Variants in FMN1 observed in about 807,000 individuals in gnomAD.
FMN1 encodes the protein formin 1.
In FMN1, 110 loss-of-function variants were observed where a neutral mutation model predicts 132.4. The ratio of observed to expected loss-of-function variants is 0.83; its 90% CI spans 0.71 to 0.97. The LOEUF (loss-of-function observed/expected upper bound fraction) is 0.97, where lower values mean the gene tolerates loss of function less well. Among genes scored for constraint, FMN1 ranks in the 50% least tolerant of loss-of-function variants. The pLI, the probability that FMN1 is intolerant of heterozygous loss-of-function variation, is 0.00. For missense variants in FMN1, 1,792 were observed against 1,705.3 expected (o/e 1.05, Z -0.90); for synonymous variants, 722 against 651.7 (o/e 1.11, Z -1.64).
chr15:33,120,633 T>C (rs1465245843), intron 4 of FMN1, among the ~76,000 whole-genome samples: 1 of 151,946 alleles, frequency 6.6e-6, no homozygotes, highest in African/African-American at 2.4e-5. Flanking sequence ...TTTGTTGTCT[T>C]TTCGTGTTCT....
chr15:33,185,480 A>G lies in FMN1; in HGVS notation c.-196-5218T>C, dbSNP rs543147122. Among the ~76,000 whole-genome samples the G allele has an allele frequency of 3.8e-4, 58 of 152,018 alleles. 1 individual carries two copies. The South Asian group carries it at 0.011, about 29-fold the overall frequency. On this transcript the variant is annotated intron_variant, in intron 2 of 20. Transcript: ENST00000616417. The stretch of plus-strand genomic sequence containing the variant: ...ATTACCGTTAATTCCAATTTAGAGA[A>G]TAGAAAGTAAATTTTTGTTTCCTTT...
chr15:32,798,764 G>A (rs368226596), intron 19 of FMN1, 40 bp downstream of exon 19: 1 of 1,555,712 alleles, frequency 6.4e-7, no homozygotes, highest in Non-Finnish European at 8.8e-7. Context: ...AGTTTCCTAG[G>A]CTCCTGAAGG....
chr15:33,142,678 A>G lies in FMN1; in HGVS notation c.1867+10370T>C, dbSNP rs112629032. The stretch of plus-strand genomic sequence containing the variant: ...TTTTGTACATAGCTTTTGGAAACCA[A>G]TCACATGACCTCAACTTACATTTGC... On this transcript the variant is annotated intron_variant, in intron 4 of 20. Coordinates refer to ENST00000616417, the MANE Select transcript of FMN1 (RefSeq NM_001277313.2). Among the ~76,000 whole-genome samples, 638 of 152,326 alleles carry G rather than the reference A, an allele frequency of 4.2e-3. 6 individuals carry two copies. The highest frequency in any genetic ancestry group is 0.015 in the African/African-American group (618 of 41,572).
intron 3 of FMN1, among the ~76,000 whole-genome samples, chr15:33,175,405 A>T (rs1349308897): frequency 6.6e-6 from 1 of 152,164 alleles, no homozygotes; most frequent in Non-Finnish European, 1.5e-5. Context: ...GATTTCAATT[A>T]TGGAGACTTC....
intron 7 of FMN1, among the ~76,000 whole-genome samples, chr15:32,972,396 C>T (rs2031865929): frequency 6.6e-6 from 1 of 152,178 alleles, no homozygotes; most frequent in Non-Finnish European, 1.5e-5. Flanking sequence ...AAGCACTTGA[C>T]CCATGCTTTA....
At chr15:33,058,749 A>G (rs1220738557) in intron 6 of FMN1, among the ~76,000 whole-genome samples, 2 of 152,184 alleles carry the variant, frequency 1.3e-5, no homozygotes, top group Admixed American at 6.5e-5. Context: ...GTAATTTGTA[A>G]TAACCTGCAT....
At chr15:33,057,397 C>A (rs1014554231) in intron 6 of FMN1, among the ~76,000 whole-genome samples, 3 of 152,012 alleles carry the variant, frequency 2.0e-5, no homozygotes, top group Non-Finnish European at 4.4e-5. Flanking sequence ...TTTTGTTATT[C>A]TTCTATAAAA....
At chr15:32,823,148 T>C (rs922789594) in intron 17 of FMN1, among the ~76,000 whole-genome samples, 7 of 124,922 alleles carry the variant, frequency 5.6e-5, no homozygotes. Context: ...AGAGAGTTTC[T>C]ACTGTTTTTT....
intron 7 of FMN1, among the ~76,000 whole-genome samples, chr15:33,005,024 C>G (rs1341186552): frequency 6.6e-6 from 1 of 152,064 alleles, no homozygotes; most frequent in Non-Finnish European, 1.5e-5. Flanking sequence ...GAACATCACA[C>G]ACCAGGGACT....
chr15:32,824,879 G>C (rs1057170118), intron 17 of FMN1, among the ~76,000 whole-genome samples: 1 of 152,196 alleles, frequency 6.6e-6, no homozygotes, highest in Non-Finnish European at 1.5e-5. Flanking sequence ...CTGCTCTGCT[G>C]AACATCCTGA....
chr15:33,130,630 A>T (rs1170885212), intron 4 of FMN1, among the ~76,000 whole-genome samples: 1 of 152,220 alleles, frequency 6.6e-6, no homozygotes, highest in Non-Finnish European at 1.5e-5. Flanking sequence ...AGCCCAAATC[A>T]TTAAGTGATA....
chr15:33,006,608 T>C (rs1202641929), intron 7 of FMN1, among the ~76,000 whole-genome samples: 1 of 152,154 alleles, frequency 6.6e-6, no homozygotes, highest in Non-Finnish European at 1.5e-5. Context: ...TGCAGCGTTA[T>C]TCACAAAAGC....
At chr15:33,114,959 G>T (rs922153743) in intron 4 of FMN1, among the ~76,000 whole-genome samples, 2 of 152,206 alleles carry the variant, frequency 1.3e-5, no homozygotes, top group South Asian at 4.2e-4. Context: ...GGCTGGGCAG[G>T]CCTCAGAAGA....
intron 3 of FMN1, among the ~76,000 whole-genome samples, chr15:33,163,450 A>G (rs1964974828): frequency 6.6e-6 from 1 of 151,332 alleles, no homozygotes; most frequent in Non-Finnish European, 1.5e-5. Flanking sequence ...ACGCACCACC[A>G]TGCCCGGCTA....
At chr15:32,909,407 G>A (rs1371501348) in intron 11 of FMN1, among the ~76,000 whole-genome samples, 1 of 152,114 alleles carries the variant, frequency 6.6e-6, no homozygotes, top group South Asian at 2.1e-4. Flanking sequence ...GTTTATTAAC[G>A]AAAGCTTTAC....
intron 19 of FMN1, among the ~76,000 whole-genome samples, chr15:32,781,133 T>C (rs960207218): frequency 6.6e-6 from 1 of 152,182 alleles, no homozygotes; most frequent in Non-Finnish European, 1.5e-5. Flanking sequence ...AGTGGGAATA[T>C]GGGTGTGATA....
intron 6 of FMN1, among the ~76,000 whole-genome samples, chr15:33,042,813 C>G (rs1251921021): frequency 1.3e-5 from 2 of 151,094 alleles, no homozygotes; most frequent in Non-Finnish European, 2.9e-5. Flanking sequence ...CCCTGAGGCA[C>G]AAAAGGGAAT....
intron 16 of FMN1, among the ~76,000 whole-genome samples, chr15:32,866,133 C>T (rs1417773005): frequency 1.3e-5 from 2 of 150,082 alleles, no homozygotes; most frequent in African/African-American, 4.9e-5. Flanking sequence ...ATGTAAATGA[C>T]GAGTTAATGG....
chr15:33,099,900 A>G (rs1026693386), intron 4 of FMN1, among the ~76,000 whole-genome samples: 5 of 152,206 alleles, frequency 3.3e-5, no homozygotes. Context: ...TTCTCCCAGA[A>G]TACACAGCTG....
Sources: gnomAD v4.1 joint callset for allele counts (sites outside exome capture counted in the v4.1 genomes callset) on GRCh38, gnomAD v4.1.1 for gene constraint, MANE v1.5 for transcripts, NCBI Gene and HGNC (gene_info 2026-07-23, HGNC 2026-07-21) for gene names.